ZNF394: variants seen among roughly 807,000 people sequenced by gnomAD.
ZNF394 encodes zinc finger protein 99.
A neutral mutation model predicts 21.8 loss-of-function variants in ZNF394; 19 were observed. The ratio of observed to expected loss-of-function variants is 0.87; its 90% confidence interval spans 0.61 to 1.28. ZNF394 has a LOEUF of 1.28. ZNF394 is among the 50% of genes most tolerant of loss of function. The pLI, the probability that ZNF394 is intolerant of heterozygous loss-of-function variation, is 0.00. For missense variants in ZNF394, 683 were observed against 708.6 expected, an observed-to-expected ratio of 0.96 and a Z score of 0.41; for synonymous variants, 294 against 273.3, an observed-to-expected ratio of 1.08 and a Z score of -0.75.
At chr7:99,496,665 C>T (rs935918059) in intron 2 of ZNF394, among the ~76,000 whole-genome samples, 21 of 152,106 alleles carry the variant, frequency 1.4e-4, no homozygotes, top group African/African-American at 4.1e-4. Flanking sequence ...CTGCCCACCT[C>T]GGCCTCCCAA....
rs778835881 is a variant in ZNF394 at position 99,499,622 on chromosome 7, G to A, written c.456+16C>T. The A allele has an allele frequency of 3.2e-6, 5 of 1,560,038 alleles. No individual in the cohort carries two copies. Among genetic ancestry groups the A allele is most frequent in the South Asian group, 2.4e-5 (2 of 84,166 alleles). The stretch of plus-strand genomic sequence containing the variant: ...TTCCACACTCCCACCTCCAGAACAG[G>A]CCTTTCGCTTCTCACCTGGGATGAG... On this transcript the variant is annotated intron_variant, in intron 1 of 2. Coordinates refer to ENST00000337673, the MANE Select transcript of ZNF394 (RefSeq NM_032164.4).
rs150696777 is a variant in ZNF394 at position 99,494,107 on chromosome 7, G to A, written c.1108C>T (p.Arg370Cys). The change falls in exon 3 of 3, where the codon CGC becomes TGC. Residue 370 changes from arginine (R) to cysteine (C), a missense_variant. Arg to Cys is a radical substitution (Grantham distance 180). This residue lies in a region of ZNF394 where 274 missense variants were observed against 314.1 expected (regional missense o/e 0.87). Transcript: ENST00000337673. ...CGNCGKSFKQ[R>C]SDLFRHQRIH... ...CTCTGGTGTCTAAAGAGGTCAGAGC[G>A]TTGTTTGAAACTCTTCCCACAGTTA... 40 of 1,614,076 alleles carry A rather than the reference G, an allele frequency of 2.5e-5. No individual in the cohort carries two copies. The African/African-American group carries it at 3.6e-4, about 15-fold the overall frequency.
At position 99,487,448 on chromosome 7, in the gene ZNF394, T is replaced by C. The variant is rs200397962; in HGVS notation, n.84-485A>G. The C allele has an allele frequency of 3.7e-4, 601 of 1,614,094 alleles. No individual in the cohort carries two copies. Among genetic ancestry groups the C allele is most frequent in the Non-Finnish European group, 4.9e-4 (573 of 1,180,026 alleles). ...TCTTTCAAGTGGCACACAAGCTTTA[T>C]TAAGCACCAGGGCACTCACAAAGGA... On this transcript the variant is annotated intron_variant and non_coding_transcript_variant, in intron 1 of 1. Transcript: ENST00000462024.
At chr7:99,491,423 C>T (rs867861395), downstream of ZNF394, among the ~76,000 whole-genome samples, 24 of 152,192 alleles carry the variant, frequency 1.6e-4, no homozygotes, top group African/African-American at 5.8e-4. Flanking sequence ...AGCTGTTAAA[C>T]CCATTGGAAT....
chr7:99,496,600 G>C (rs1800315690), intron 2 of ZNF394, among the ~76,000 whole-genome samples: 2 of 151,136 alleles, frequency 1.3e-5, no homozygotes, highest in East Asian at 3.9e-4. Flanking sequence ...ATTTCTAGTA[G>C]AGACGGTGTT....
At chr7:99,492,639 C>CAAAA (rs757663157), downstream of ZNF394, among the ~76,000 whole-genome samples, 1 of 50,478 alleles carries the variant, frequency 2.0e-5, no homozygotes, top group Non-Finnish European at 4.1e-5. Context: ...GACTCCATCT[C>CAAAA]AAAAAAAAAA....
rs766372608 is a variant in ZNF394, at chr7:99,494,225, T to A, written c.990A>T (p.Lys330Asn). 1 of 1,614,026 alleles carries A rather than the reference T, an allele frequency of 6.2e-7. No homozygotes were observed. Among genetic ancestry groups the A allele is most frequent in the African/African-American group, 1.3e-5 (1 of 74,896 alleles). Residue 330 changes from lysine to asparagine, a missense_variant, in exon 3 of 3, where the codon AAA (lysine) becomes AAT (asparagine). Physicochemically the swap from Lys to Asn is moderately conservative, Grantham distance 94 (BLOSUM62 0). Transcript: ENST00000337673. ...SFHMVTWHVL[K>N]PHKSDSGDSF... ...TGTCTCCACTGTCAGACTTGTGAGG[T>A]TTCAGCACGTGCCACGTCACCATGT...
At position 99,497,128 on chromosome 7, in the gene ZNF394, A is replaced by G. The variant is rs1327178681; in HGVS notation, c.583+1588T>C. ...TGTGTGTGTGTGTGTGTGTGTATAT[A>G]TATATATATATATGTATATATATAT... On this transcript the variant is annotated intron_variant, in intron 2 of 2. Coordinates refer to ENST00000337673, the MANE Select transcript of ZNF394 (RefSeq NM_032164.4). 5.5e-3 allele frequency among the ~76,000 whole-genome samples: 641 copies of G among 115,934 alleles called. 7 individuals are homozygous for G. The highest frequency in any genetic ancestry group is 0.029 in the African/African-American group (588 of 20,026). 76.1% of individuals were successfully genotyped at this position (115,934 alleles called of 152,430 possible).
rs565848000 is a variant in ZNF394 at position 99,493,426 on chromosome 7, T to C, written c.*103A>G. The C allele has an allele frequency of 8.6e-7, 1 of 1,157,044 alleles. No homozygotes were observed. The highest frequency in any genetic ancestry group is 1.5e-5 in the South Asian group (1 of 64,712). 71.7% of individuals were successfully genotyped at this position (1,157,044 alleles called of 1,614,324 possible). The stretch of plus-strand genomic sequence containing the variant: ...CATGCACCACCATGCCCGGCTCATT[T>C]TTGTATTTTTAGTAGAGACAGGATT... On this transcript the variant is annotated 3_prime_UTR_variant, in exon 3 of 3. Coordinates refer to ENST00000337673, the MANE Select transcript of ZNF394 (RefSeq NM_032164.4).
exon 2 of ZNF394, chr7:99,486,763 A>C: frequency 1.2e-6 from 2 of 1,614,238 alleles, no homozygotes; most frequent in Non-Finnish European, 1.7e-6. Context: ...CTTCAATCAA[A>C]GATCTTTGCT....
chr7:99,490,059 A>G (rs908153857), downstream of ZNF394, among the ~76,000 whole-genome samples: 2 of 151,910 alleles, frequency 1.3e-5, no homozygotes, highest in South Asian at 4.2e-4. Flanking sequence ...CATGCCTGTA[A>G]TCCCCAACAC....
At chr7:99,494,848 C>T (rs982621278) in intron 2 of ZNF394, among the ~76,000 whole-genome samples, 1 of 151,974 alleles carries the variant, frequency 6.6e-6, no homozygotes, top group Non-Finnish European at 1.5e-5. Flanking sequence ...GATTATCCTA[C>T]CTCAGCCTCC....
downstream of ZNF394, among the ~76,000 whole-genome samples, chr7:99,492,380 G>A (rs1264367628): frequency 6.6e-6 from 1 of 151,388 alleles, no homozygotes; most frequent in Non-Finnish European, 1.5e-5. Flanking sequence ...GGTGGCTCGT[G>A]TGTAATCCCA....
chr7:99,489,639 C>G (rs1279258277), downstream of ZNF394, among the ~76,000 whole-genome samples: 2 of 152,132 alleles, frequency 1.3e-5, no homozygotes, highest in Non-Finnish European at 1.5e-5. Flanking sequence ...AACCTCTCCC[C>G]AACAAATAAA....
intron 1 of ZNF394, among the ~76,000 whole-genome samples, chr7:99,499,307 C>G (rs1800441323): frequency 6.6e-6 from 1 of 150,590 alleles, no homozygotes; most frequent in South Asian, 2.1e-4. Context: ...ACCCGGGAGT[C>G]AGAGGTTGCA....
At chr7:99,487,262 G>A in intron 1 of ZNF394, 1 of 1,614,168 alleles carries the variant, frequency 6.2e-7, no homozygotes, top group Non-Finnish European at 8.5e-7. Flanking sequence ...CAGTCCTTTG[G>A]TAGGAATGTG....
In ZNF394 at chr7:99,499,895, A is replaced by T. The variant is rs767345433; in HGVS notation, c.199T>A (p.Phe67Ile). ...ACCTCCTGGTAACGCAGCTGCCTAA[A>T]GTGCAGTCGAGAAGTTTCGGGGTCC... is the stretch of plus-strand genomic sequence containing the variant. Reference protein sequence around the residue: ...SPDPETSRLHFRQLRYQEVAG... With the variant: ...SPDPETSRLHIRQLRYQEVAG... Residue 67 changes from phenylalanine to isoleucine, a missense_variant, in exon 1 of 3, where the codon TTT (phenylalanine) becomes ATT (isoleucine). Coordinates refer to ENST00000337673, the MANE Select transcript of ZNF394 (RefSeq NM_032164.4). 1 of 1,614,140 alleles carries T rather than the reference A, an allele frequency of 6.2e-7. No individual in the cohort carries two copies. Among genetic ancestry groups the T allele is most frequent in the Non-Finnish European group, 8.5e-7 (1 of 1,180,020 alleles).
At chr7:99,499,118 G>C (rs966669641) in intron 1 of ZNF394, among the ~76,000 whole-genome samples, 6 of 152,200 alleles carry the variant, frequency 3.9e-5, no homozygotes, top group Non-Finnish European at 2.9e-5. Flanking sequence ...GCTCACGCCT[G>C]TAATCCCAGC....
In ZNF394 at chr7:99,494,501, G is replaced by GGTACT; in HGVS notation, c.709_713dup (p.His239ValfsTer17). Reference sequence around the variant, plus strand: ...ACTGCTTTTCCACCCTGTCCTCATGGGTACTGCCACACTTAGAAAACAGGG... The same window carrying GGTACT: ...ACTGCTTTTCCACCCTGTCCTCATGGGTACTGTACTGCCACACTTAGAAAACAGGG... On this transcript the variant is annotated frameshift_variant, in exon 3 of 3. Transcript: ENST00000337673. LOFTEE classifies it low-confidence loss of function (END_TRUNC). 5 of 1,613,748 alleles carry GGTACT rather than the reference G, an allele frequency of 3.1e-6. No homozygotes were observed. Among genetic ancestry groups the GGTACT allele is most frequent in the Non-Finnish European group, 3.4e-6 (4 of 1,180,024 alleles).
Sources: allele counts gnomAD v4.1 joint callset (sites outside exome capture counted in the v4.1 genomes callset), GRCh38; gene constraint gnomAD v4.1.1; regional missense constraint gnomAD v4.1.1; transcripts MANE v1.5; gene names NCBI Gene and HGNC (gene_info 2026-07-23, HGNC 2026-07-21).